EZR: variants seen among roughly 807,000 people sequenced by gnomAD.
EZR encodes ezrin.
Under a neutral mutation model 74.8 loss-of-function variants are expected in EZR, and 40 were observed. The ratio of observed to expected loss-of-function variants is 0.53; its 90% confidence interval spans 0.42 to 0.70. EZR has a LOEUF of 0.70. Ranked by LOEUF, EZR falls within the 30% of genes least tolerant of loss-of-function variation. The probability of loss-of-function intolerance (pLI) is 0.00; values close to 1 mark genes in which losing one functional copy is unlikely to be tolerated. For synonymous variants in EZR, 341 were observed against 283.3 expected (o/e 1.20, Z -2.05); for missense variants, 678 against 755.8 (o/e 0.90, Z 1.21).
intron 2 of EZR, among the ~76,000 whole-genome samples, chr6:158,800,815 T>A (rs1301325096): frequency 6.6e-6 from 1 of 151,854 alleles, no homozygotes; most frequent in African/African-American, 2.4e-5. Context: ...GAAAAAAAAA[T>A]TGTACTAATA....
At chr6:158,768,743 G>A (rs934996260) in intron 12 of EZR, among the ~76,000 whole-genome samples, 13 of 152,156 alleles carry the variant, frequency 8.5e-5, no homozygotes, top group African/African-American at 1.4e-4. Context: ...ATGGGACCTC[G>A]CATCTGCAGA....
Position 158,789,329 on chromosome 6 carries a change from C to T in EZR, c.55G>A (p.Ala19Thr). 1 of 1,614,174 alleles carries T rather than the reference C, an allele frequency of 6.2e-7. No homozygotes were observed. Among genetic ancestry groups the T allele is most frequent in the Non-Finnish European group, 8.5e-7 (1 of 1,180,000 alleles). Residue 19 changes from alanine (A) to threonine (T), a missense_variant, in exon 3 of 14, where the codon GCA becomes ACA. Ala to Thr is a moderately conservative substitution (Grantham distance 58). Coordinates refer to ENST00000367075, the MANE Select transcript of EZR (RefSeq NM_001111077.2). ...VTTMDAELEFAIQPNTTGKQL... is the reference protein window; with the variant it reads ...VTTMDAELEFTIQPNTTGKQL... ...TTTCCAGTTGTATTTGGCTGGATTG[C>T]AAACTCCAGCTCTGCATCCATGGTG...
chr6:158,792,688 G>A (rs185679198), intron 2 of EZR, among the ~76,000 whole-genome samples: 7 of 151,954 alleles, frequency 4.6e-5, no homozygotes, highest in Admixed American at 3.9e-4. Flanking sequence ...GTGTGCGGGC[G>A]CCTGTAGTCA....
intron 12 of EZR, among the ~76,000 whole-genome samples, chr6:158,768,309 G>A (rs1790977530): frequency 2.0e-5 from 3 of 151,920 alleles, no homozygotes; most frequent in Admixed American, 2.0e-4. Context: ...ATTTCCTGAG[G>A]CCTCCCCCAG....
intron 4 of EZR, among the ~76,000 whole-genome samples, chr6:158,786,284 G>C (rs1346623454): frequency 1.3e-5 from 2 of 152,038 alleles, no homozygotes; most frequent in African/African-American, 4.8e-5. Context: ...TGAGGCAGGA[G>C]AATCACTTGA....
chr6:158,812,476 G>A (rs1429849246), intron 2 of EZR, among the ~76,000 whole-genome samples: 1 of 152,160 alleles, frequency 6.6e-6, no homozygotes, highest in Non-Finnish European at 1.5e-5. Flanking sequence ...ACAGTCTCCA[G>A]ACAATTGTGT....
Position 158,818,190 on chromosome 6 carries a change from G to C in EZR, c.-73-24C>G. 7 of 1,372,228 alleles carry C rather than the reference G, an allele frequency of 5.1e-6. No homozygotes were observed. The highest frequency in any genetic ancestry group is 4.9e-5 in the East Asian group (2 of 41,076). The allele number at this position is 1,372,228 out of a possible 1,614,324, so 85.0% of individuals were successfully genotyped here. On this transcript the variant is annotated intron_variant, in intron 1 of 13. Coordinates refer to ENST00000367075, the MANE Select transcript of EZR (RefSeq NM_001111077.2). Reference sequence around the variant, plus strand: ...ACCTGGAGTCAGAGCAGAACCCTTAGAGCGCCCGCCCGCCCTGCCTCGTCC... The same window carrying C: ...ACCTGGAGTCAGAGCAGAACCCTTACAGCGCCCGCCCGCCCTGCCTCGTCC...
At chr6:158,815,158 A>G (rs1232032848) in intron 2 of EZR, among the ~76,000 whole-genome samples, 1 of 152,048 alleles carries the variant, frequency 6.6e-6, no homozygotes, top group Non-Finnish European at 1.5e-5. Flanking sequence ...GAATCAATAA[A>G]CCTTTGTTTA....
chr6:158,808,941 A>G (rs1583588262), intron 2 of EZR, among the ~76,000 whole-genome samples: 1 of 152,230 alleles, frequency 6.6e-6, no homozygotes, highest in East Asian at 1.9e-4. Flanking sequence ...CAGCCTGCAC[A>G]AAACAGTGTG....
In EZR at chr6:158,766,697, C is replaced by G. The variant is rs534201251; in HGVS notation, c.*217G>C. 1.0e-5 allele frequency: 6 copies of G among 582,252 alleles called. No individual in the cohort carries two copies. In the Middle Eastern group the frequency reaches 1.4e-3, roughly 135 times the overall value. 36.1% of individuals were successfully genotyped at this position (582,252 alleles called of 1,614,324 possible). On this transcript the variant is annotated 3_prime_UTR_variant, in exon 14 of 14. Transcript: ENST00000367075. ...ACACAGGAGGTGATTCGAGAATAAT[C>G]GCGAGAATCAGGCCTGCTTGGCACT...
intron 7 of EZR, among the ~76,000 whole-genome samples, chr6:158,782,234 G>A (rs1791451569): frequency 6.6e-6 from 1 of 152,188 alleles, no homozygotes; most frequent in South Asian, 2.1e-4. Flanking sequence ...GGCACAGCTG[G>A]CACAGGTCCC....
chr6:158,799,960 A>T (rs1217087118), intron 2 of EZR, among the ~76,000 whole-genome samples: 3 of 152,230 alleles, frequency 2.0e-5, no homozygotes, highest in Non-Finnish European at 2.9e-5. Flanking sequence ...TGTTTTATAT[A>T]CAAAATTATA....
chr6:158,806,784 TTA>T (rs1373305329), intron 2 of EZR, among the ~76,000 whole-genome samples: 1 of 152,208 alleles, frequency 6.6e-6, no homozygotes, highest in Non-Finnish European at 1.5e-5. Context: ...TTTCTCACCA[TTA>T]TCTGTCTAAA....
chr6:158,789,808 C>T (rs769570377), intron 2 of EZR, among the ~76,000 whole-genome samples: 5 of 152,152 alleles, frequency 3.3e-5, no homozygotes, highest in South Asian at 2.1e-4. Flanking sequence ...TTTGTAGAGA[C>T]GGGGTCTCAC....
At chr6:158,788,024 C>T (rs1405307125) in intron 3 of EZR, among the ~76,000 whole-genome samples, 2 of 152,078 alleles carry the variant, frequency 1.3e-5, no homozygotes, top group East Asian at 1.9e-4. Context: ...CAGACAAGTT[C>T]GACTATTTAC....
chr6:158,791,218 A>C (rs1361860026), intron 2 of EZR, among the ~76,000 whole-genome samples: 1 of 152,226 alleles, frequency 6.6e-6, no homozygotes, highest in African/African-American at 2.4e-5. Flanking sequence ...TCTTGTTTCA[A>C]AAGTTTTCTC....
chr6:158,815,496 G>A (rs1296960427), intron 2 of EZR, among the ~76,000 whole-genome samples: 1 of 152,188 alleles, frequency 6.6e-6, no homozygotes. Flanking sequence ...TTTGTTTTCA[G>A]ACAACATCTC....
chr6:158,818,284 G>C (rs1777607778), intron 1 of EZR, 118 bp from the exon 2 acceptor site: 4 of 422,692 alleles, frequency 9.5e-6, no homozygotes, highest in Non-Finnish European at 1.7e-5. Context: ...CCGGGCCCGG[G>C]TGAGTCAGCG....
chr6:158,803,578 TATACATATATATATATATATATATATAC>T (rs1562504509), intron 2 of EZR, among the ~76,000 whole-genome samples: 20 of 18,568 alleles, frequency 1.1e-3, no homozygotes, highest in Admixed American at 1.7e-3. Flanking sequence ...TATATATATA[TATACATATATATATATATATATATATAC>T]ATATATATAT....
Sources: allele counts gnomAD v4.1 joint callset (sites outside exome capture counted in the v4.1 genomes callset), GRCh38; gene constraint gnomAD v4.1.1; transcripts MANE v1.5; gene names NCBI Gene and HGNC (gene_info 2026-07-23, HGNC 2026-07-21).